KCNH5: variants seen among roughly 807,000 people sequenced by gnomAD.
KCNH5 encodes the protein voltage-gated delayed rectifier potassium channel KCNH5.
In KCNH5, 46 loss-of-function variants were observed where a neutral mutation model predicts 96.1. The ratio of observed to expected loss-of-function variants is 0.48; its 90% CI spans 0.38 to 0.61. KCNH5 has a LOEUF of 0.61. Ranked by LOEUF, KCNH5 falls within the 20% of genes least tolerant of loss-of-function variation. KCNH5 has a pLI of 0.00. For synonymous variants in KCNH5, 439 were observed against 449.8 expected (o/e 0.98, Z 0.30); for missense variants, 907 against 1,225.8 (o/e 0.74, Z 3.88).
chr14:63,034,136 T>A (rs1284861775), intron 1 of KCNH5, among the ~76,000 whole-genome samples: 1 of 152,166 alleles, frequency 6.6e-6, no homozygotes, highest in Non-Finnish European at 1.5e-5. Flanking sequence ...GTCAGGCTGG[T>A]CTCGATCTCC....
intron 7 of KCNH5, among the ~76,000 whole-genome samples, chr14:62,923,627 A>G (rs1039678873): frequency 2.0e-5 from 3 of 152,112 alleles, no homozygotes; most frequent in Admixed American, 2.0e-4. Context: ...AAACATGTAG[A>G]CCAATGGAAC....
At chr14:62,994,756 T>C (rs1368998236) in intron 4 of KCNH5, among the ~76,000 whole-genome samples, 3 of 151,836 alleles carry the variant, frequency 2.0e-5, no homozygotes, top group East Asian at 1.9e-4. Context: ...AGAGAGAACA[T>C]GGGATTTGAA....
At chr14:62,954,817 A>G (rs749964259) in intron 6 of KCNH5, among the ~76,000 whole-genome samples, 1 of 152,174 alleles carries the variant, frequency 6.6e-6, no homozygotes, top group Non-Finnish European at 1.5e-5. Context: ...CACATCTTAC[A>G]TGGCAGCACA....
In KCNH5 at chr14:62,929,171, G is replaced by C. The variant is rs572636574; in HGVS notation, c.1369+20962C>G. ...TATATAAACCAAAAAAACTCTTGGA[G>C]TCATCTCTGATTTCTCTCTGATTTT... On this transcript the variant is annotated intron_variant, in intron 7 of 10. Coordinates refer to ENST00000322893, the MANE Select transcript of KCNH5 (RefSeq NM_139318.5). 7.3e-5 allele frequency among the ~76,000 whole-genome samples: 11 copies of C among 151,374 alleles called. No individual in the cohort carries two copies. The East Asian group carries it at 2.0e-3, about 27-fold the overall frequency.
At chr14:62,941,481 T>C (rs1482070063) in intron 7 of KCNH5, among the ~76,000 whole-genome samples, 1 of 152,128 alleles carries the variant, frequency 6.6e-6, no homozygotes, top group Non-Finnish European at 1.5e-5. Context: ...AAAAGGTGCC[T>C]ATAACCCTGA....
intron 7 of KCNH5, among the ~76,000 whole-genome samples, chr14:62,923,003 T>C (rs1889407861): frequency 6.6e-6 from 1 of 151,882 alleles, no homozygotes; most frequent in Non-Finnish European, 1.5e-5. Flanking sequence ...TGTCTCTGTT[T>C]GCAGACCTTA....
intron 7 of KCNH5, among the ~76,000 whole-genome samples, chr14:62,895,847 T>C (rs1888800973): frequency 6.6e-6 from 1 of 152,186 alleles, no homozygotes; most frequent in South Asian, 2.1e-4. Context: ...AACACCTCTA[T>C]GTAGCACACA....
intron 7 of KCNH5, among the ~76,000 whole-genome samples, chr14:62,934,814 T>C (rs1889647756): frequency 6.6e-6 from 1 of 152,162 alleles, no homozygotes; most frequent in Non-Finnish European, 1.5e-5. Context: ...TCGTCTTTCT[T>C]GTTGTGTTTT....
intron 7 of KCNH5, among the ~76,000 whole-genome samples, chr14:62,943,769 T>C (rs896249014): frequency 6.6e-6 from 1 of 151,914 alleles, no homozygotes; most frequent in Admixed American, 6.6e-5. Flanking sequence ...ACCAGAGCAG[T>C]GGAGGTCACT....
chr14:62,981,286 T>C, intron 5 of KCNH5, 22 bp from the exon 6 acceptor site: 1 of 1,609,498 alleles, frequency 6.2e-7, no homozygotes, highest in Non-Finnish European at 8.5e-7. Context: ...AAAATGTATT[T>C]ATACATGACT....
At chr14:63,003,624 A>ATATATATTTTTT (rs1491457497) in intron 3 of KCNH5, among the ~76,000 whole-genome samples, 1 of 92,854 alleles carries the variant, frequency 1.1e-5, no homozygotes, top group East Asian at 4.1e-4. Context: ...ATATATATAT[A>ATATATATTTTTT]TTTTTTTTTT....
intron 7 of KCNH5, among the ~76,000 whole-genome samples, chr14:62,910,418 T>C (rs973234878): frequency 6.6e-6 from 1 of 152,078 alleles, no homozygotes; most frequent in Non-Finnish European, 1.5e-5. Flanking sequence ...CAGTCTAGGA[T>C]GGAGACAAAT....
intron 1 of KCNH5, among the ~76,000 whole-genome samples, chr14:63,042,489 G>T (rs903715706): frequency 6.6e-6 from 1 of 152,010 alleles, no homozygotes; most frequent in Non-Finnish European, 1.5e-5. Context: ...TTGGGGTTCA[G>T]GTAAAAAGAC....
At chr14:62,799,081 G>A (rs746083728) in intron 9 of KCNH5, among the ~76,000 whole-genome samples, 2 of 152,014 alleles carry the variant, frequency 1.3e-5, no homozygotes, top group Non-Finnish European at 2.9e-5. Context: ...AAACATGATG[G>A]CTTTTGGCAT....
At chr14:62,852,696 T>A (rs1366671624) in intron 7 of KCNH5, among the ~76,000 whole-genome samples, 1 of 152,156 alleles carries the variant, frequency 6.6e-6, no homozygotes, top group Non-Finnish European at 1.5e-5. Context: ...GTCATTTACA[T>A]ATATTTTTAA....
chr14:62,799,763 ATTATATATTTAATATT>A (rs1268720484), intron 9 of KCNH5, among the ~76,000 whole-genome samples: 22 of 128,582 alleles, frequency 1.7e-4, no homozygotes, highest in African/African-American at 6.0e-4. Flanking sequence ...GTGTGAAGGG[ATTATATATTTAATATT>A]TTATATATTT....
chr14:62,770,172 C>T (rs997379603), intron 10 of KCNH5, among the ~76,000 whole-genome samples: 7 of 152,126 alleles, frequency 4.6e-5, no homozygotes, highest in African/African-American at 1.7e-4. Flanking sequence ...CGAAGATGCT[C>T]GTATTGCTAC....
At chr14:62,737,385 A>G (rs1236935385) in intron 10 of KCNH5, among the ~76,000 whole-genome samples, 1 of 152,196 alleles carries the variant, frequency 6.6e-6, no homozygotes, top group East Asian at 1.9e-4. Flanking sequence ...CAGAATGAAT[A>G]CTGACTACCA....
chr14:62,947,714 G>GACACACACACACACACAC (rs373941818), intron 7 of KCNH5, among the ~76,000 whole-genome samples: 14 of 149,520 alleles, frequency 9.4e-5, no homozygotes, highest in African/African-American at 2.5e-4. Context: ...GGACAGCTTA[G>GACACACACACACACACAC]ACACACACAC....
Sources: gnomAD v4.1 joint callset for allele counts (sites outside exome capture counted in the v4.1 genomes callset) on GRCh38, gnomAD v4.1.1 for gene constraint, MANE v1.5 for transcripts, NCBI Gene and HGNC (gene_info 2026-07-23, HGNC 2026-07-21) for gene names.